The following TRAM2 variants were observed in gnomAD, a reference collection of about 807,000 sequenced individuals.
The protein encoded by TRAM2 is translocating chain-associated membrane protein 2.
TRAM2 carries 12 observed loss-of-function variants against 51.0 expected under a neutral mutation model. The ratio of observed to expected loss-of-function variants is 0.24; its 90% CI spans 0.15 to 0.38. The LOEUF (loss-of-function observed/expected upper bound fraction) is 0.38. TRAM2 is among the 10% of genes least tolerant of loss of function. The probability of loss-of-function intolerance (pLI) is 1.00; values close to 1 mark genes in which losing one functional copy is unlikely to be tolerated. For synonymous variants in TRAM2, 175 were observed against 179.4 expected, an observed-to-expected ratio of 0.98 and a Z score of 0.20; for missense variants, 361 against 462.0, an observed-to-expected ratio of 0.78 and a Z score of 2.00.
intron 4 of TRAM2, among the ~76,000 whole-genome samples, chr6:52,511,789 C>T (rs1024625764): frequency 1.3e-5 from 2 of 151,626 alleles, no homozygotes; most frequent in African/African-American, 4.9e-5. Flanking sequence ...GTCCTTTTAT[C>T]GGATACATCT....
intron 2 of TRAM2, among the ~76,000 whole-genome samples, chr6:52,528,002 A>T (rs1464133368): frequency 6.6e-6 from 1 of 152,192 alleles, no homozygotes; most frequent in African/African-American, 2.4e-5. Context: ...TCTTATTCAT[A>T]CAAACAGAAC....
chr6:52,506,713 C>A (rs1766356788), intron 7 of TRAM2, among the ~76,000 whole-genome samples: 1 of 152,164 alleles, frequency 6.6e-6, no homozygotes, highest in Non-Finnish European at 1.5e-5. Flanking sequence ...CTGGCATCAC[C>A]CCACAGCCTT....
At chr6:52,544,517 T>A (rs1295643396) in intron 1 of TRAM2, among the ~76,000 whole-genome samples, 2 of 152,232 alleles carry the variant, frequency 1.3e-5, no homozygotes, top group East Asian at 3.8e-4. Flanking sequence ...TGTCACTCTC[T>A]GTTACAGCAG....
intron 2 of TRAM2, among the ~76,000 whole-genome samples, chr6:52,530,273 G>A (rs1445449235): frequency 6.6e-6 from 1 of 152,206 alleles, no homozygotes; most frequent in Non-Finnish European, 1.5e-5. Flanking sequence ...AAGGACGCCA[G>A]GGTGGCAGGG....
chr6:52,521,413 G>T (rs1025744971), intron 2 of TRAM2, among the ~76,000 whole-genome samples: 2 of 151,770 alleles, frequency 1.3e-5, no homozygotes, highest in East Asian at 3.9e-4. Flanking sequence ...CTCACACAAG[G>T]CTGGGCGCGG....
At chr6:52,575,751 A>G (rs997202142) in intron 1 of TRAM2, among the ~76,000 whole-genome samples, 1 of 152,226 alleles carries the variant, frequency 6.6e-6, no homozygotes, top group Non-Finnish European at 1.5e-5. Flanking sequence ...AAGCTGACGC[A>G]GAAGGGAGGA....
chr6:52,503,310 C>T, intron 10 of TRAM2, 40 bp from the exon 11 acceptor site: 2 of 1,588,718 alleles, frequency 1.3e-6, no homozygotes, highest in South Asian at 1.1e-5. Flanking sequence ...GGTGTTTCTG[C>T]TGGAGCTAAG....
chr6:52,572,732 T>C (rs986415933), intron 1 of TRAM2, among the ~76,000 whole-genome samples: 1 of 152,164 alleles, frequency 6.6e-6, no homozygotes, highest in Admixed American at 6.5e-5. Context: ...ACATTTCAGG[T>C]TATGATGCCT....
Position 52,497,913 on chromosome 6 carries a change from C to G in TRAM2, c.*5284G>C, listed in dbSNP as rs1016341656. ...TGCTTCGCAAAATATCCTTCCTCTC[C>G]ACGTGAACAAGTAGCTCTAGAGTGC... On this transcript the variant is annotated 3_prime_UTR_variant, in exon 11 of 11. Coordinates refer to ENST00000182527, the MANE Select transcript of TRAM2 (RefSeq NM_012288.4). The G allele has an allele frequency of 1.3e-5, 2 of 152,224 alleles. No homozygotes were observed. The highest frequency in any genetic ancestry group is 4.1e-4 in the South Asian group (2 of 4,828). 9.4% of individuals were successfully genotyped at this position (152,224 alleles called of 1,614,324 possible). A position where few individuals can be genotyped will look rare whatever the true frequency, so the allele number is the denominator to read the frequency against.
At chr6:52,533,239 C>T (rs1562481959) in intron 2 of TRAM2, among the ~76,000 whole-genome samples, 2 of 152,020 alleles carry the variant, frequency 1.3e-5, no homozygotes, top group Admixed American at 6.6e-5. Flanking sequence ...CAAATGGTTA[C>T]GATAGTACAT....
Position 52,509,577 on chromosome 6 carries a change from A to T in TRAM2, c.421T>A (p.Leu141Ile). Residue 141 changes from leucine (L) to isoleucine (I), a missense_variant, in exon 5 of 11, where the codon TTA (leucine) becomes ATA (isoleucine). Physicochemically the swap from Leu to Ile is conservative, Grantham distance 5. Transcript: ENST00000182527. ...CFYVVVTEGY[L>I]TNPRSLWEDY... ...TCCCAGAGGCTTCTTGGGTTTGTTAAGTATCCTTCCTGCAGTGGGCAAGAA... is the reference window on the plus strand; with the variant it reads ...TCCCAGAGGCTTCTTGGGTTTGTTATGTATCCTTCCTGCAGTGGGCAAGAA... The T allele has an allele frequency of 6.2e-7, 1 of 1,614,094 alleles. No homozygotes were observed. The highest frequency in any genetic ancestry group is 8.5e-7 in the Non-Finnish European group (1 of 1,179,980).
chr6:52,561,268 C>T (rs959565504), intron 1 of TRAM2, among the ~76,000 whole-genome samples: 3 of 152,054 alleles, frequency 2.0e-5, no homozygotes, highest in Non-Finnish European at 2.9e-5. Flanking sequence ...GAAATGAATG[C>T]GAACAGTTTT....
At chr6:52,508,689 G>A (rs566336958) in intron 5 of TRAM2, among the ~76,000 whole-genome samples, 9 of 152,286 alleles carry the variant, frequency 5.9e-5, no homozygotes, top group African/African-American at 1.7e-4. Flanking sequence ...AAGTAGCAAG[G>A]GAAGGTTCTA....
chr6:52,508,895 G>A (rs1581868956), intron 5 of TRAM2, among the ~76,000 whole-genome samples: 3 of 152,172 alleles, frequency 2.0e-5, no homozygotes, highest in African/African-American at 2.4e-5. Flanking sequence ...TTAGCTGGGC[G>A]TGGTGGCACA....
chr6:52,514,062 GCCAAATGTCCCCTACAGGC>G (rs1370618012), intron 4 of TRAM2, among the ~76,000 whole-genome samples: 1 of 151,964 alleles, frequency 6.6e-6, no homozygotes. Context: ...GTAGCATATT[GCCAAATGTCCCCTACAGGC>G]CCAAATCTCC....
intron 1 of TRAM2, among the ~76,000 whole-genome samples, chr6:52,539,412 G>C (rs766381793): frequency 6.6e-6 from 1 of 151,988 alleles, no homozygotes; most frequent in Non-Finnish European, 1.5e-5. Context: ...GCAAGTAAGC[G>C]AATTTGCAAA....
intron 2 of TRAM2, among the ~76,000 whole-genome samples, chr6:52,527,250 C>T (rs1308778992): frequency 2.0e-5 from 3 of 151,492 alleles, no homozygotes; most frequent in African/African-American, 4.9e-5. Context: ...TGGTGGCGGG[C>T]GCCTGCAGTC....
chr6:52,517,721 C>T (rs1294101239), intron 2 of TRAM2, among the ~76,000 whole-genome samples: 2 of 152,340 alleles, frequency 1.3e-5, no homozygotes, highest in East Asian at 1.9e-4. Context: ...GTGCTGCATT[C>T]GCTCTGAGTC....
intron 1 of TRAM2, among the ~76,000 whole-genome samples, chr6:52,576,291 C>T (rs956006157): frequency 3.9e-5 from 6 of 152,216 alleles, no homozygotes; most frequent in Admixed American, 3.3e-4. Flanking sequence ...GAGCACGTTC[C>T]AGAGCTGAGA....
Sources: gnomAD v4.1 joint callset for allele counts (sites outside exome capture counted in the v4.1 genomes callset) on GRCh38, gnomAD v4.1.1 for gene constraint, MANE v1.5 for transcripts, NCBI Gene and HGNC (gene_info 2026-07-23, HGNC 2026-07-21) for gene names.